The following C2CD2 variants were observed in gnomAD, a reference collection of about 807,000 sequenced individuals.
C2CD2 encodes C2 calcium dependent domain containing 2.
In C2CD2, 43 loss-of-function variants were observed where a neutral mutation model predicts 74.3. The observed-to-expected ratio is 0.58, with a 90% CI of 0.45 to 0.75. The LOEUF (loss-of-function observed/expected upper bound fraction) is 0.75, where lower values mean the gene tolerates loss of function less well. Among genes scored for constraint, C2CD2 ranks in the 30% least tolerant of loss-of-function variants. The pLI, the probability that C2CD2 is intolerant of heterozygous loss-of-function variation, is 0.00. For synonymous variants in C2CD2, 422 were observed against 390.7 expected, an observed-to-expected ratio of 1.08 and a Z score of -0.94; for missense variants, 801 against 916.3, an observed-to-expected ratio of 0.87 and a Z score of 1.63.
intron 13 of C2CD2, among the ~76,000 whole-genome samples, chr21:41,896,707 CAAA>C (rs71332341): frequency 1.1e-4 from 8 of 73,704 alleles, no homozygotes; most frequent in African/African-American, 2.1e-4. Flanking sequence ...GTTCTTAAAC[CAAA>C]AAAAAAAAAA....
Position 41,885,331 on chromosome 21 carries a change from TTC to T in C2CD2, c.*3791_*3792del, listed in dbSNP as rs1207472316. ...TGGACCTGGAAAACCTGCCACTTTC[TTC>T]TCTTTTTACAATGCAGTTTCGACAT... On this transcript the variant is annotated 3_prime_UTR_variant, in exon 14 of 14. Coordinates refer to ENST00000380486, the MANE Select transcript of C2CD2 (RefSeq NM_015500.2). The T allele has an allele frequency of 6.6e-6, 1 of 152,508 alleles. No individual in the cohort carries two copies. Among genetic ancestry groups the T allele is most frequent in the Non-Finnish European group, 1.5e-5 (1 of 68,044 alleles). 9.4% of individuals were successfully genotyped at this position (152,508 alleles called of 1,614,324 possible).
At chr21:41,898,956 C>G in intron 13 of C2CD2, 97 bp downstream of exon 13, 1 of 931,872 alleles carries the variant, frequency 1.1e-6, no homozygotes, top group Non-Finnish European at 1.7e-6. Flanking sequence ...TTGTAGGGGA[C>G]AAAGGGAAGG....
At chr21:41,936,815 CTTTTTTTTT>C (rs34112713) in intron 2 of C2CD2, among the ~76,000 whole-genome samples, 1 of 103,010 alleles carries the variant, frequency 9.7e-6, no homozygotes, top group Non-Finnish European at 1.9e-5. Context: ...TTTTCTTTTC[CTTTTTTTTT>C]TTTTTTTTTT....
rs967927171 is a variant in C2CD2, at chr21:41,948,870, C to CTTTTTTTTTTTTTTTTTTTTTTTTTT, written c.279+4499_279+4500insAAAAAAAAAAAAAAAAAAAAAAAAAA. ...AATATGTTCCAAGTCCACACAGCAT[C>CTTTTTTTTTTTTTTTTTTTTTTTTTT]TTTTTTTTTTTTTTTTTTTTTTCTT... On this transcript the variant is annotated intron_variant, in intron 1 of 13. Transcript: ENST00000380486. Among the ~76,000 whole-genome samples the CTTTTTTTTTTTTTTTTTTTTTTTTTT allele has an allele frequency of 1.2e-4, 10 of 80,686 alleles. 3 individuals carry two copies. Among genetic ancestry groups the CTTTTTTTTTTTTTTTTTTTTTTTTTT allele is most frequent in the Non-Finnish European group, 1.4e-4 (6 of 43,190 alleles). 52.9% of individuals were successfully genotyped at this position (80,686 alleles called of 152,430 possible). A position where few individuals can be genotyped will look rare whatever the true frequency, so the allele number is the denominator to read the frequency against.
intron 1 of C2CD2, among the ~76,000 whole-genome samples, chr21:41,951,508 A>C (rs1435622483): frequency 6.6e-6 from 1 of 152,178 alleles, no homozygotes; most frequent in East Asian, 1.9e-4. Flanking sequence ...AGGTCAGGAG[A>C]GACAGGTGTC....
intron 13 of C2CD2, among the ~76,000 whole-genome samples, chr21:41,893,898 A>T (rs929710808): frequency 1.3e-5 from 2 of 151,872 alleles, no homozygotes; most frequent in African/African-American, 4.8e-5. Context: ...ACAGGGTTTC[A>T]CCATATTGGT....
At chr21:41,938,507 G>A (rs970128764) in intron 2 of C2CD2, among the ~76,000 whole-genome samples, 1 of 151,988 alleles carries the variant, frequency 6.6e-6, no homozygotes, top group Non-Finnish European at 1.5e-5. Context: ...TCCAGAACCT[G>A]CATCTTCCCA....
chr21:41,903,045 T>C lies in C2CD2; in HGVS notation c.1433-1296A>G, dbSNP rs980889355. 2.0e-5 allele frequency among the ~76,000 whole-genome samples: 3 copies of C among 152,224 alleles called. No individual in the cohort carries two copies. In the South Asian group the frequency reaches 6.2e-4, roughly 32 times the overall value. ...TCAATCATGCCTACATACCTACTTATAGAAGCACCATAAACCCCCTAAATG... is the reference window on the plus strand; with the variant it reads ...TCAATCATGCCTACATACCTACTTACAGAAGCACCATAAACCCCCTAAATG... On this transcript the variant is annotated intron_variant, in intron 11 of 13. Transcript: ENST00000380486. The surrounding 1 kb of genome is among the most constrained non-coding windows in gnomAD (Gnocchi z 4.5).
chr21:41,909,667 GAA>G, intron 7 of C2CD2, 144 bp from the exon 8 acceptor site: 1 of 678,454 alleles, frequency 1.5e-6, no homozygotes. Context: ...CAAAAAAAGG[GAA>G]AGAGTTATCT....
At chr21:41,904,083 A>G (rs549655305) in intron 11 of C2CD2, among the ~76,000 whole-genome samples, 2 of 152,268 alleles carry the variant, frequency 1.3e-5, no homozygotes, top group East Asian at 3.9e-4. Context: ...CACAGGTCAC[A>G]AGGACCCTGC....
At chr21:41,915,736 G>A (rs1405547623) in intron 5 of C2CD2, among the ~76,000 whole-genome samples, 2 of 151,694 alleles carry the variant, frequency 1.3e-5, no homozygotes, top group African/African-American at 4.8e-5. Context: ...CACCACGCCT[G>A]GCCAAGAGTG....
At position 41,912,424 on chromosome 21, in the gene C2CD2, C is replaced by T. The variant is rs760264585; in HGVS notation, c.861G>A (p.Val287=). ...EPGASGHINA[V]CVVQLNDPVQ... is the part of the protein sequence containing the mutation. ...CAGGATCGTTCAGCTGCACGACGCA[C>T]ACTGCATTAATGTGGCCTGTAATTA... Residue 287 remains valine, a synonymous_variant, in exon 7 of 14, where the codon GTG becomes GTA. Coordinates refer to ENST00000380486, the MANE Select transcript of C2CD2 (RefSeq NM_015500.2). The T allele has an allele frequency of 1.2e-6, 2 of 1,611,292 alleles. No individual in the cohort carries two copies. The highest frequency in any genetic ancestry group is 3.3e-5 in the Admixed American group (2 of 59,920).
At position 41,907,723 on chromosome 21, in the gene C2CD2, C is replaced by T; in HGVS notation, c.1080G>A (p.Gln360=). 6.2e-7 allele frequency: 1 copy of T among 1,613,478 alleles called. No individual in the cohort carries two copies. Among genetic ancestry groups the T allele is most frequent in the Non-Finnish European group, 8.5e-7 (1 of 1,179,898 alleles). The change falls in exon 9 of 14, where the codon CAG becomes CAA. Residue 360 remains glutamine, a synonymous_variant. Coordinates refer to ENST00000380486, the MANE Select transcript of C2CD2 (RefSeq NM_015500.2). ...DLFKKQPSGP[Q]SFTLTSGSAC... Reference sequence around the variant, plus strand: ...CAGACCCGCTGGTCAGCGTGAAGCTCTGTGGCCCAGAAGGCTGCTTCTTAA... The same window carrying T: ...CAGACCCGCTGGTCAGCGTGAAGCTTTGTGGCCCAGAAGGCTGCTTCTTAA...
In C2CD2 at chr21:41,942,285, G is replaced by C. The variant is rs1339340332; in HGVS notation, c.280-40C>G. On this transcript the variant is annotated intron_variant, in intron 1 of 13. Coordinates refer to ENST00000380486, the MANE Select transcript of C2CD2 (RefSeq NM_015500.2). The stretch of plus-strand genomic sequence containing the variant: ...CAGCATGAGGAGGGCATGCACAGGA[G>C]GGGCTGCATCTTTTAAATTACATAT... 4 of 1,432,326 alleles carry C rather than the reference G, an allele frequency of 2.8e-6. No individual in the cohort carries two copies. In the East Asian group the frequency reaches 9.9e-5, roughly 36 times the overall value. 88.7% of individuals were successfully genotyped at this position (1,432,326 alleles called of 1,614,324 possible).
At chr21:41,949,425 T>A (rs974994557) in intron 1 of C2CD2, among the ~76,000 whole-genome samples, 1 of 152,098 alleles carries the variant, frequency 6.6e-6, no homozygotes, top group Admixed American at 6.6e-5. Context: ...AGTGATCACA[T>A]CAATGGGAAT....
At position 41,886,970 on chromosome 21, in the gene C2CD2, CG is replaced by C. The variant is rs1360387609; in HGVS notation, c.*2153del. 2.0e-5 allele frequency: 3 copies of C among 151,248 alleles called. No homozygotes were observed. The highest frequency in any genetic ancestry group is 7.3e-5 in the African/African-American group (3 of 41,052). 9.4% of individuals were successfully genotyped at this position (151,248 alleles called of 1,614,324 possible). On this transcript the variant is annotated 3_prime_UTR_variant, in exon 14 of 14. Transcript: ENST00000380486. ...TGGGCAACAGAGTGAAACTCCATCT[CG>C]AAAAAAAAATTTTTTAAATAAAAAA...
Position 41,953,582 on chromosome 21 carries a change from C to T in C2CD2, c.67G>A (p.Val23Ile). The T allele has an allele frequency of 6.7e-7, 1 of 1,498,026 alleles. No individual in the cohort carries two copies. The highest frequency in any genetic ancestry group is 8.8e-7 in the Non-Finnish European group (1 of 1,133,012). 92.8% of individuals were successfully genotyped at this position (1,498,026 alleles called of 1,614,324 possible). ...AGGCCTACCGTGGCCAGGGCCGCGACGAAGAGCGACACCAGCGCGAGCCAC... is the reference window on the plus strand; with the variant it reads ...AGGCCTACCGTGGCCAGGGCCGCGATGAAGAGCGACACCAGCGCGAGCCAC... The part of the protein sequence containing the change: ...AQWLALVSLF[V>I]AALATVGLYL... Residue 23 changes from valine (V) to isoleucine (I), a missense_variant, in exon 1 of 14, where the codon GTC becomes ATC. By Grantham distance (29) the Val-to-Ile change is conservative. Transcript: ENST00000380486.
chr21:41,901,618 G>T lies in C2CD2; in HGVS notation c.1560+4C>A, dbSNP rs778508981. On this transcript the variant is annotated splice_donor_region_variant and intron_variant, in intron 12 of 13. Transcript: ENST00000380486. ...GAACACCTCCCCAGCCACCACGATG[G>T]TACCTTGGAGATCCCTGATATGATA... is the stretch of plus-strand genomic sequence containing the variant. The T allele has an allele frequency of 5.6e-5, 91 of 1,613,994 alleles. No homozygotes were observed. Among genetic ancestry groups the T allele is most frequent in the Non-Finnish European group, 7.5e-5 (89 of 1,179,984 alleles).
At chr21:41,910,054 G>A (rs964055320) in intron 7 of C2CD2, among the ~76,000 whole-genome samples, 9 of 147,944 alleles carry the variant, frequency 6.1e-5, no homozygotes, top group South Asian at 2.1e-4. Flanking sequence ...GGCTGGTGTC[G>A]AACTCCTGAG....
Sources: gnomAD v4.1 joint callset for allele counts (sites outside exome capture counted in the v4.1 genomes callset) on GRCh38, gnomAD v4.1.1 for gene constraint, Gnocchi (gnomAD v3.1) non-coding constraint, MANE v1.5 for transcripts, NCBI Gene and HGNC (gene_info 2026-07-23, HGNC 2026-07-21) for gene names.